Variants in ARHGAP19 observed in about 807,000 individuals in gnomAD.
ARHGAP19 encodes the protein rho GTPase-activating protein 19.
A neutral mutation model predicts 60.9 loss-of-function variants in ARHGAP19; 48 were observed. That is an observed-to-expected ratio of 0.79 (90% CI 0.62 to 1.00). ARHGAP19 has a LOEUF of 1.00. ARHGAP19 is among the 50% of genes least tolerant of loss of function. The pLI, the probability that ARHGAP19 is intolerant of heterozygous loss-of-function variation, is 0.00. For synonymous variants in ARHGAP19, 209 were observed against 215.5 expected (o/e 0.97, Z 0.27); for missense variants, 562 against 597.2 (o/e 0.94, Z 0.61).
At chr10:97,260,003 T>C (rs1320651388) in intron 4 of ARHGAP19, among the ~76,000 whole-genome samples, 2 of 151,516 alleles carry the variant, frequency 1.3e-5, no homozygotes, top group Non-Finnish European at 2.9e-5. Context: ...GCCCGGCTAA[T>C]TTTTTGTATT....
intron 1 of ARHGAP19, among the ~76,000 whole-genome samples, chr10:97,286,853 T>C (rs59123099): frequency 0.028 from 4,292 of 152,332 alleles, 81 homozygotes; most frequent in Middle Eastern, 0.051. Context: ...AGAAGTAGCT[T>C]TATTTCATTT....
At chr10:97,246,218 C>T in intron 7 of ARHGAP19, 54 bp downstream of exon 7, 1 of 1,438,926 alleles carries the variant, frequency 6.9e-7, no homozygotes, top group Non-Finnish European at 9.8e-7. Flanking sequence ...TTTTAAGACT[C>T]CACAAATCTT....
At chr10:97,287,919 G>A (rs926032565) in intron 1 of ARHGAP19, among the ~76,000 whole-genome samples, 10 of 152,216 alleles carry the variant, frequency 6.6e-5, no homozygotes, top group East Asian at 1.9e-4. Context: ...AAAATTAGCC[G>A]GGCTTGGTGG....
At chr10:97,274,856 T>C (rs939437240) in intron 1 of ARHGAP19, among the ~76,000 whole-genome samples, 2 of 152,164 alleles carry the variant, frequency 1.3e-5, no homozygotes, top group East Asian at 1.9e-4. Flanking sequence ...CAAAGAATGA[T>C]AGAGGCAAGA....
At chr10:97,227,733 A>G (rs1850923894) in intron 11 of ARHGAP19, among the ~76,000 whole-genome samples, 1 of 152,222 alleles carries the variant, frequency 6.6e-6, no homozygotes, top group Non-Finnish European at 1.5e-5. Context: ...TCTCTCCCCC[A>G]GAAAAATACA....
intron 1 of ARHGAP19, among the ~76,000 whole-genome samples, chr10:97,286,452 C>T (rs1171458750): frequency 3.9e-5 from 6 of 152,154 alleles, no homozygotes; most frequent in African/African-American, 1.2e-4. Flanking sequence ...ATTAGCTGGA[C>T]GTGGTGGCAC....
chr10:97,243,862 C>T (rs1410778633), intron 8 of ARHGAP19, 106 bp downstream of exon 8: 2 of 1,180,486 alleles, frequency 1.7e-6, no homozygotes, highest in Non-Finnish European at 2.3e-6. Context: ...CCTGATTTCT[C>T]AGCTGAACCA....
At chr10:97,239,356 C>T (rs946695735) in intron 8 of ARHGAP19, among the ~76,000 whole-genome samples, 1 of 151,960 alleles carries the variant, frequency 6.6e-6, no homozygotes, top group Non-Finnish European at 1.5e-5. Flanking sequence ...ATTAGCCAGG[C>T]ATGGTGGCAC....
chr10:97,270,263 T>C (rs1019954110), intron 1 of ARHGAP19, among the ~76,000 whole-genome samples: 1 of 152,222 alleles, frequency 6.6e-6, no homozygotes. Context: ...CCCCTACTTT[T>C]CTTTTCTCAC....
intron 6 of ARHGAP19, 70 bp downstream of exon 6, chr10:97,256,248 C>A (rs1355067220): frequency 1.1e-5 from 13 of 1,211,696 alleles, no homozygotes; most frequent in South Asian, 2.5e-5. Flanking sequence ...ATCTTTATAG[C>A]CCCACTTAGG....
chr10:97,289,249 G>A (rs1279668334), intron 1 of ARHGAP19, among the ~76,000 whole-genome samples: 4 of 151,828 alleles, frequency 2.6e-5, no homozygotes, highest in Non-Finnish European at 5.9e-5. Flanking sequence ...CAAGTAGGTG[G>A]GATTACAGGC....
Position 97,266,127 on chromosome 10 carries a change from T to G in ARHGAP19, c.57-2A>C. On this transcript the variant is annotated splice_acceptor_variant, in intron 1 of 11. Coordinates refer to ENST00000358531, the MANE Select transcript of ARHGAP19 (RefSeq NM_032900.6). LOFTEE classifies it high-confidence loss of function. ...ATCACAAAACTGCAGATGGCATCAC[T>G]GAAAAACACAGAAGAAAATCTTTCG... The G allele has an allele frequency of 6.2e-7, 1 of 1,613,038 alleles. No homozygotes were observed. Among genetic ancestry groups the G allele is most frequent in the Non-Finnish European group, 8.5e-7 (1 of 1,179,418 alleles).
intron 1 of ARHGAP19, among the ~76,000 whole-genome samples, chr10:97,281,054 G>A (rs1290703454): frequency 6.6e-6 from 1 of 151,814 alleles, no homozygotes; most frequent in Non-Finnish European, 1.5e-5. Context: ...CACATGACTT[G>A]TTCATATCTA....
intron 9 of ARHGAP19, among the ~76,000 whole-genome samples, chr10:97,231,141 T>C (rs1365779665): frequency 6.9e-6 from 1 of 145,106 alleles, no homozygotes; most frequent in African/African-American, 2.5e-5. Flanking sequence ...TGATTCTCAA[T>C]CATCTCTATG....
At chr10:97,235,883 C>T (rs1842368425) in intron 8 of ARHGAP19, among the ~76,000 whole-genome samples, 1 of 152,112 alleles carries the variant, frequency 6.6e-6, no homozygotes, top group African/African-American at 2.4e-5. Context: ...TAATCTTATT[C>T]AATGCTTTGA....
intron 4 of ARHGAP19, among the ~76,000 whole-genome samples, chr10:97,259,845 G>GT (rs1554864398): frequency 3.3e-5 from 5 of 149,890 alleles, no homozygotes; most frequent in South Asian, 2.1e-4. Context: ...GTTTTGTTTT[G>GT]TTTTTTTTGA....
At chr10:97,262,286 G>T (rs1842840785) in intron 4 of ARHGAP19, among the ~76,000 whole-genome samples, 1 of 151,830 alleles carries the variant, frequency 6.6e-6, no homozygotes, top group South Asian at 2.1e-4. Flanking sequence ...GTGTAGGAGA[G>T]AAGGTTTTTA....
At chr10:97,272,109 T>C (rs1011379538) in intron 1 of ARHGAP19, among the ~76,000 whole-genome samples, 1 of 148,586 alleles carries the variant, frequency 6.7e-6, no homozygotes, top group South Asian at 2.1e-4. Context: ...TCTAGCCTTA[T>C]ACACTTAGGT....
chr10:97,258,323 C>T (rs1368238947), intron 5 of ARHGAP19, among the ~76,000 whole-genome samples: 1 of 152,114 alleles, frequency 6.6e-6, no homozygotes, highest in African/African-American at 2.4e-5. Context: ...GTCAGCAGTT[C>T]GAGACCCGCC....
Sources: gnomAD v4.1 joint callset for allele counts (sites outside exome capture counted in the v4.1 genomes callset) on GRCh38, gnomAD v4.1.1 for gene constraint, MANE v1.5 for transcripts, NCBI Gene and HGNC (gene_info 2026-07-23, HGNC 2026-07-21) for gene names.